Variants in EFCAB11 observed in about 807,000 individuals in gnomAD.
The protein encoded by EFCAB11 is EF-hand calcium-binding domain-containing protein 11.
Under a neutral mutation model 23.0 loss-of-function variants are expected in EFCAB11, and 14 were observed. That is an observed-to-expected ratio of 0.61 (90% CI 0.40 to 0.95). The LOEUF (loss-of-function observed/expected upper bound fraction) is 0.95. Among genes scored for constraint, EFCAB11 ranks in the 40% least tolerant of loss-of-function variants. The pLI is 0.00. For synonymous variants in EFCAB11, 65 were observed against 66.6 expected, an observed-to-expected ratio of 0.98 and a Z score of 0.11; for missense variants, 198 against 195.8, an observed-to-expected ratio of 1.01 and a Z score of -0.07.
intron 2 of EFCAB11, chr14:89,952,512 G>A: frequency 1.0e-6 from 1 of 985,446 alleles, no homozygotes; most frequent in Non-Finnish European, 1.2e-6. Flanking sequence ...CTAAGAGTCA[G>A]CCCTGACTAC....
intron 5 of EFCAB11, among the ~76,000 whole-genome samples, chr14:89,893,782 A>AC (rs1172150717): frequency 6.8e-6 from 1 of 148,082 alleles, no homozygotes; most frequent in South Asian, 2.2e-4. Context: ...GTCTCCAAAA[A>AC]AAAAAAACAA....
At chr14:89,871,559 G>T (rs1888269692) in intron 5 of EFCAB11, among the ~76,000 whole-genome samples, 1 of 152,092 alleles carries the variant, frequency 6.6e-6, no homozygotes, top group Non-Finnish European at 1.5e-5. Flanking sequence ...TTATAAACAG[G>T]AAATGAAGCA....
intron 5 of EFCAB11, among the ~76,000 whole-genome samples, chr14:89,809,816 A>G (rs764440194): frequency 3.9e-5 from 6 of 152,162 alleles, no homozygotes; most frequent in Non-Finnish European, 5.9e-5. Context: ...TGGCGTCCCA[A>G]TGACCACCTC....
chr14:89,899,907 A>G (rs1011133845), intron 5 of EFCAB11, among the ~76,000 whole-genome samples: 16 of 152,216 alleles, frequency 1.1e-4, no homozygotes, highest in Admixed American at 1.0e-3. Context: ...AAACAAGTCA[A>G]CTGCTGATAT....
chr14:89,840,805 TAAG>T (rs1424942165), intron 5 of EFCAB11, among the ~76,000 whole-genome samples: 5 of 152,136 alleles, frequency 3.3e-5, no homozygotes, highest in Admixed American at 3.3e-4. Context: ...CAGAAACACA[TAAG>T]AATAATTTGA....
chr14:89,886,026 T>C (rs560111162), intron 5 of EFCAB11, among the ~76,000 whole-genome samples: 2 of 152,022 alleles, frequency 1.3e-5, no homozygotes, highest in African/African-American at 4.8e-5. Context: ...CAAAGTTATA[T>C]AATAAAGAGA....
chr14:89,865,363 A>G (rs532422533), intron 5 of EFCAB11, among the ~76,000 whole-genome samples: 15 of 152,282 alleles, frequency 9.9e-5, no homozygotes, highest in African/African-American at 3.6e-4. Flanking sequence ...CATATAAGTC[A>G]TATCCGACAG....
intron 5 of EFCAB11, among the ~76,000 whole-genome samples, chr14:89,815,651 C>A (rs959010422): frequency 2.0e-5 from 3 of 152,120 alleles, no homozygotes; most frequent in Non-Finnish European, 4.4e-5. Flanking sequence ...GTCTCGAACT[C>A]CTGACCTCAT....
At position 89,892,281 on chromosome 14, in the gene EFCAB11, A is replaced by G. The variant is rs577903449; in HGVS notation, c.410+39260T>C. The G allele has an allele frequency of 1.9e-4, 312 of 1,613,716 alleles. 3 individuals are homozygous for G. The South Asian group carries it at 2.8e-3, about 15-fold the overall frequency. On this transcript the variant is annotated intron_variant, in intron 5 of 5. Coordinates refer to ENST00000316738, the MANE Select transcript of EFCAB11 (RefSeq NM_145231.4). ...GAGACCTCTGTTAAAAACAACTGCA[A>G]TGTGGACCTGGCCTTTGACGCCCTC...
intron 3 of EFCAB11, among the ~76,000 whole-genome samples, chr14:89,943,614 T>C (rs563951543): frequency 6.6e-6 from 1 of 152,302 alleles, no homozygotes; most frequent in South Asian, 2.1e-4. Flanking sequence ...AATCTGCACA[T>C]GTGCTCTCTT....
chr14:89,915,855 G>A (rs188422376), intron 5 of EFCAB11, among the ~76,000 whole-genome samples: 23 of 152,206 alleles, frequency 1.5e-4, no homozygotes, highest in Admixed American at 1.2e-3. Flanking sequence ...TAATTTAACC[G>A]GAAATAAAAA....
intron 3 of EFCAB11, among the ~76,000 whole-genome samples, chr14:89,942,856 T>A (rs1890839053): frequency 1.3e-5 from 2 of 152,262 alleles, no homozygotes; most frequent in Admixed American, 1.3e-4. Flanking sequence ...CTTTTCACTC[T>A]TCTTAATTTT....
chr14:89,952,620 T>C (rs1174021335), intron 2 of EFCAB11: 1 of 984,936 alleles, frequency 1.0e-6, no homozygotes, highest in Non-Finnish European at 1.2e-6. Flanking sequence ...CCTACTTGGG[T>C]CAAGAGAATA....
intron 5 of EFCAB11, among the ~76,000 whole-genome samples, chr14:89,813,658 C>T (rs1406538105): frequency 1.3e-5 from 2 of 151,558 alleles, no homozygotes; most frequent in Non-Finnish European, 2.9e-5. Context: ...CACCTTCTAC[C>T]CTCCACCCGC....
intron 5 of EFCAB11, among the ~76,000 whole-genome samples, chr14:89,861,090 C>T (rs931254075): frequency 6.6e-6 from 1 of 152,192 alleles, no homozygotes; most frequent in African/African-American, 2.4e-5. Flanking sequence ...ACTGTCTTCT[C>T]TTTGCTTCCA....
At chr14:89,808,890 T>C (rs1413192616) in intron 5 of EFCAB11, among the ~76,000 whole-genome samples, 1 of 152,156 alleles carries the variant, frequency 6.6e-6, no homozygotes, top group African/African-American at 2.4e-5. Context: ...AGTGTGAATA[T>C]GGGCAAATCA....
intron 5 of EFCAB11, among the ~76,000 whole-genome samples, chr14:89,801,304 A>G (rs754020399): frequency 3.9e-5 from 6 of 152,190 alleles, no homozygotes; most frequent in Non-Finnish European, 7.3e-5. Flanking sequence ...AGTGCCAGGC[A>G]CACACACACT....
chr14:89,846,700 T>C (rs1887442438), intron 5 of EFCAB11, among the ~76,000 whole-genome samples: 1 of 151,948 alleles, frequency 6.6e-6, no homozygotes, highest in Admixed American at 6.5e-5. Flanking sequence ...CCCAAGACCT[T>C]GGCCCCTCTA....
At chr14:89,921,965 C>T (rs377323435) in intron 5 of EFCAB11, among the ~76,000 whole-genome samples, 8 of 151,808 alleles carry the variant, frequency 5.3e-5, no homozygotes, top group South Asian at 2.1e-4. Flanking sequence ...AAGAAAAACA[C>T]GAGAAATTGA....
Sources: allele counts gnomAD v4.1 joint callset (sites outside exome capture counted in the v4.1 genomes callset), GRCh38; gene constraint gnomAD v4.1.1; transcripts MANE v1.5; gene names NCBI Gene and HGNC (gene_info 2026-07-23, HGNC 2026-07-21).